The following XXYLT1 variants were observed in gnomAD, a reference collection of about 807,000 sequenced individuals.
XXYLT1 encodes the protein UDP-xylose:alpha-xyloside alpha-1,3-xylosyltransferase.
In XXYLT1, 20 loss-of-function variants were observed where a neutral mutation model predicts 28.9. That is an observed-to-expected ratio of 0.69 (90% CI 0.49 to 1.00). XXYLT1 has a LOEUF of 1.00. Ranked by LOEUF, XXYLT1 falls within the 50% of genes least tolerant of loss-of-function variation. The probability of loss-of-function intolerance (pLI) is 0.00; values close to 1 mark genes in which losing one functional copy is unlikely to be tolerated. For synonymous variants in XXYLT1, 257 were observed against 253.8 expected (o/e 1.01, Z -0.12); for missense variants, 542 against 560.1 (o/e 0.97, Z 0.33).
chr3:195,203,958 A>G (rs556145622), intron 2 of XXYLT1, among the ~76,000 whole-genome samples: 2 of 152,376 alleles, frequency 1.3e-5, no homozygotes, highest in South Asian at 4.1e-4. Context: ...TGTCAGACAC[A>G]GCCCTAAAGG....
chr3:195,146,945 C>A (rs1560119167), intron 3 of XXYLT1: 1 of 153,678 alleles, frequency 6.5e-6, no homozygotes. Context: ...GCTTAAGTGA[C>A]CCCCCTGCCT....
At chr3:195,144,267 G>A (rs893380254) in intron 3 of XXYLT1, among the ~76,000 whole-genome samples, 6 of 142,424 alleles carry the variant, frequency 4.2e-5, no homozygotes, top group East Asian at 2.7e-4. Context: ...TAATCTGATC[G>A]GTGCAAATGG....
chr3:195,119,139 C>T (rs1165711016), intron 3 of XXYLT1, among the ~76,000 whole-genome samples: 1 of 141,864 alleles, frequency 7.0e-6, no homozygotes, highest in African/African-American at 2.6e-5. Flanking sequence ...AAAAAATTAG[C>T]TGGGTGTGGT....
At chr3:195,159,620 A>AC (rs1192803502) in intron 2 of XXYLT1, among the ~76,000 whole-genome samples, 1 of 152,184 alleles carries the variant, frequency 6.6e-6, no homozygotes, top group Admixed American at 6.5e-5. Context: ...TGTAGCTTTC[A>AC]ACACCTCCAA....
At chr3:195,156,879 C>T (rs755710885) in intron 2 of XXYLT1, among the ~76,000 whole-genome samples, 2 of 152,144 alleles carry the variant, frequency 1.3e-5, no homozygotes, top group African/African-American at 2.4e-5. Flanking sequence ...AACTGTTAAC[C>T]GTGCACCATT....
At chr3:195,112,076 G>A (rs975113986) in intron 3 of XXYLT1, among the ~76,000 whole-genome samples, 1 of 152,096 alleles carries the variant, frequency 6.6e-6, no homozygotes, top group African/African-American at 2.4e-5. Flanking sequence ...TCAGTACATT[G>A]GTATATACCA....
Position 195,168,008 on chromosome 3 carries a change from C to A in XXYLT1, c.653-11427G>T, listed in dbSNP as rs1283386912. Among the ~76,000 whole-genome samples, 2 of 152,216 alleles carry A rather than the reference C, an allele frequency of 1.3e-5. No individual in the cohort carries two copies. Among genetic ancestry groups the A allele is most frequent in the Non-Finnish European group, 2.9e-5 (2 of 68,036 alleles). On this transcript the variant is annotated intron_variant, in intron 2 of 3. Coordinates refer to ENST00000310380, the MANE Select transcript of XXYLT1 (RefSeq NM_152531.5). This position sits in a 1 kb window ranked among gnomAD's most constrained non-coding sequence, Gnocchi z 4.3. ...AGCACCAGAACACCTTTTCTTTCCT[C>A]TATTTGTTTTTTTAAACAACTGTTG...
chr3:195,106,565 G>A (rs1246723633), intron 3 of XXYLT1, among the ~76,000 whole-genome samples: 3 of 152,192 alleles, frequency 2.0e-5, no homozygotes, highest in Non-Finnish European at 4.4e-5. Flanking sequence ...TTAGACCCGC[G>A]TGCAGATCCG....
intron 1 of XXYLT1, chr3:195,260,212 C>T (rs1411967956): frequency 1.3e-5 from 2 of 150,434 alleles, no homozygotes; most frequent in African/African-American, 2.4e-5. Context: ...GCGGCGCCCC[C>T]AGGCGGCCGC....
intron 2 of XXYLT1, among the ~76,000 whole-genome samples, chr3:195,213,263 C>CTTTT (rs924778735): frequency 2.6e-4 from 34 of 129,048 alleles, no homozygotes; most frequent in Non-Finnish European, 2.4e-4. Flanking sequence ...TTCTTTCTTT[C>CTTTT]TTTTTTTTTT....
In XXYLT1 at chr3:195,181,289, G is replaced by A. The variant is rs1721941821; in HGVS notation, c.653-24708C>T. Among the ~76,000 whole-genome samples the A allele has an allele frequency of 1.3e-5, 2 of 152,132 alleles. 1 individual carries two copies. The highest frequency in any genetic ancestry group is 2.9e-5 in the Non-Finnish European group (2 of 68,010). ...TGCGTGGCTGCGTGGCTGCGTGGCT[G>A]CGGGGCTGCGGGGCTGCGGAGCATG... On this transcript the variant is annotated intron_variant, in intron 2 of 3. Coordinates refer to ENST00000310380, the MANE Select transcript of XXYLT1 (RefSeq NM_152531.5).
intron 3 of XXYLT1, among the ~76,000 whole-genome samples, chr3:195,089,686 T>C (rs1388649922): frequency 6.6e-6 from 1 of 151,774 alleles, no homozygotes; most frequent in Non-Finnish European, 1.5e-5. Flanking sequence ...ATATTAACTT[T>C]AAATGTAAAT....
At chr3:195,101,716 C>A (rs768286862) in intron 3 of XXYLT1, among the ~76,000 whole-genome samples, 1 of 150,546 alleles carries the variant, frequency 6.6e-6, no homozygotes, top group Non-Finnish European at 1.5e-5. Context: ...ATCCTAGCTA[C>A]CTGGGAGGCT....
chr3:195,125,677 C>T (rs373301440), intron 3 of XXYLT1, among the ~76,000 whole-genome samples: 12 of 152,332 alleles, frequency 7.9e-5, no homozygotes, highest in African/African-American at 2.4e-4. Context: ...CTCAATGAAG[C>T]GAAGAAGCCA....
intron 3 of XXYLT1, among the ~76,000 whole-genome samples, chr3:195,082,702 A>C (rs1462379282): frequency 2.0e-5 from 3 of 152,108 alleles, no homozygotes; most frequent in African/African-American, 4.8e-5. Context: ...CACAAAAATT[A>C]GCCGGGTGTG....
chr3:195,143,843 G>GAT (rs72344936), intron 3 of XXYLT1, among the ~76,000 whole-genome samples: 11 of 89,396 alleles, frequency 1.2e-4, no homozygotes, highest in South Asian at 4.6e-4. Flanking sequence ...TATAGATATA[G>GAT]ATATATATAT....
rs565471483 is a variant in XXYLT1, at chr3:195,160,698, TG to T, written c.653-4118del. ...GAGAGGATCCTGACCCCAGAGGAGT[TG>T]TTTTGAGGCCCACGGGACAGGCACG... is the stretch of plus-strand genomic sequence containing the variant. On this transcript the variant is annotated intron_variant, in intron 2 of 3. Transcript: ENST00000310380. 4.4e-4 allele frequency among the ~76,000 whole-genome samples: 67 copies of T among 152,236 alleles called. No individual in the cohort carries two copies. The South Asian group carries it at 0.013, about 31-fold the overall frequency.
chr3:195,087,169 C>A (rs1715778808), intron 3 of XXYLT1: 1 of 152,356 alleles, frequency 6.6e-6, no homozygotes, highest in Non-Finnish European at 1.5e-5. Context: ...TGCAGCAAAC[C>A]CGCCTTTCCT....
At chr3:195,269,302 G>A (rs1001803298) in intron 1 of XXYLT1, among the ~76,000 whole-genome samples, 2 of 152,142 alleles carry the variant, frequency 1.3e-5, no homozygotes, top group African/African-American at 4.8e-5. Context: ...CAAATATTAG[G>A]GTCATTAGGA....
Sources: gnomAD v4.1 joint callset for allele counts (sites outside exome capture counted in the v4.1 genomes callset) on GRCh38, gnomAD v4.1.1 for gene constraint, Gnocchi (gnomAD v3.1) non-coding constraint, MANE v1.5 for transcripts, NCBI Gene and HGNC (gene_info 2026-07-23, HGNC 2026-07-21) for gene names.